Variants in CDH4 observed in about 807,000 individuals in gnomAD.
CDH4 encodes the protein cadherin-4.
Under a neutral mutation model 86.0 loss-of-function variants are expected in CDH4, and 33 were observed. That is an observed-to-expected ratio of 0.38 (90% CI 0.29 to 0.51). The LOEUF (loss-of-function observed/expected upper bound fraction) is 0.51. Ranked by LOEUF, CDH4 falls within the 20% of genes least tolerant of loss-of-function variation. The pLI is 0.86. For missense variants in CDH4, 1,114 were observed against 1,307.4 expected, an observed-to-expected ratio of 0.85 and a Z score of 2.28; for synonymous variants, 555 against 549.4, an observed-to-expected ratio of 1.01 and a Z score of -0.14.
Position 61,662,943 on chromosome 20 carries a change from T to A in CDH4, c.170-80620T>A, listed in dbSNP as rs556515292. Among the ~76,000 whole-genome samples, 4 of 152,096 alleles carry A rather than the reference T, an allele frequency of 2.6e-5. No homozygotes were observed. The East Asian group carries it at 7.8e-4, about 30-fold the overall frequency. On this transcript the variant is annotated intron_variant, in intron 2 of 15. Transcript: ENST00000614565. ...TTAGCGGTCCCTGACTCAGCACCCA[T>A]CTCTGTCCACTGAGACTCTGCCTGT...
intron 2 of CDH4, among the ~76,000 whole-genome samples, chr20:61,422,847 G>C (rs1396667789): frequency 6.6e-6 from 1 of 152,188 alleles, no homozygotes; most frequent in Non-Finnish European, 1.5e-5. Flanking sequence ...CCTGGGCTCA[G>C]CAGCCTCAGT....
intron 2 of CDH4, among the ~76,000 whole-genome samples, chr20:61,476,527 T>A (rs1027575571): frequency 6.6e-6 from 1 of 152,202 alleles, no homozygotes; most frequent in Non-Finnish European, 1.5e-5. Flanking sequence ...TACCTCCACA[T>A]TACAGCCCTG....
intron 2 of CDH4, among the ~76,000 whole-genome samples, chr20:61,551,966 A>G (rs2145674467): frequency 6.6e-6 from 1 of 152,324 alleles, no homozygotes. Flanking sequence ...CTCACACCAT[A>G]TACAAAAGTT....
Position 61,494,308 on chromosome 20 carries a change from C to T in CDH4, c.169+239371C>T, listed in dbSNP as rs113103962. 4.3e-3 allele frequency among the ~76,000 whole-genome samples: 648 copies of T among 152,258 alleles called. 3 individuals carry two copies. The highest frequency in any genetic ancestry group is 0.027 in the Middle Eastern group (8 of 294). On this transcript the variant is annotated intron_variant, in intron 2 of 15. Coordinates refer to ENST00000614565, the MANE Select transcript of CDH4 (RefSeq NM_001794.5). ...CTCTGCTCGTGCATACTGTGCAAAT[C>T]GCTGAAATCTATCAACTTGAATAGA...
chr20:61,781,629 G>A (rs11906011), intron 4 of CDH4, among the ~76,000 whole-genome samples: 3 of 152,268 alleles, frequency 2.0e-5, no homozygotes, highest in South Asian at 2.1e-4. Flanking sequence ...TCAGTGGGGC[G>A]GTGGCCAGTG....
intron 3 of CDH4, among the ~76,000 whole-genome samples, chr20:61,750,898 T>C (rs1333805716): frequency 2.6e-5 from 4 of 152,152 alleles, no homozygotes; most frequent in African/African-American, 9.7e-5. Context: ...AACGATCATA[T>C]AACTGGGAAT....
At chr20:61,463,464 T>C (rs1260868643) in intron 2 of CDH4, among the ~76,000 whole-genome samples, 1 of 152,230 alleles carries the variant, frequency 6.6e-6, no homozygotes, top group Non-Finnish European at 1.5e-5. Context: ...CCTAGGACTC[T>C]AACCCAGCCT....
intron 2 of CDH4, among the ~76,000 whole-genome samples, chr20:61,519,708 T>A (rs2085854152): frequency 6.6e-6 from 1 of 152,242 alleles, no homozygotes; most frequent in African/African-American, 2.4e-5. Context: ...CTTTCGTTGT[T>A]CCTTAATCGA....
At position 61,767,471 on chromosome 20, in the gene CDH4, C is replaced by T. The variant is rs189736457; in HGVS notation, c.397-5532C>T. On this transcript the variant is annotated intron_variant, in intron 3 of 15. Transcript: ENST00000614565. ...GTGGAGTGTGGCCTGCCAGGTGAGG[C>T]GCTGTAGATTGAGCCTGGCATGAGG... Among the ~76,000 whole-genome samples the T allele has an allele frequency of 2.6e-5, 4 of 152,276 alleles. No homozygotes were observed. In the East Asian group the frequency reaches 7.7e-4, roughly 29 times the overall value.
chr20:61,540,873 C>T lies in CDH4; in HGVS notation c.170-202690C>T, dbSNP rs555796272. On this transcript the variant is annotated intron_variant, in intron 2 of 15. Transcript: ENST00000614565. ...AGTGATTAGGCGACCCTGAGACCCT[C>T]CAATAAGGCAGGAAGCAAACAAAAG... Among the ~76,000 whole-genome samples the T allele has an allele frequency of 2.6e-5, 4 of 152,174 alleles. No homozygotes were observed. In the South Asian group the frequency reaches 8.4e-4, roughly 32 times the overall value.
chr20:61,863,629 G>T (rs1302033074), intron 6 of CDH4, among the ~76,000 whole-genome samples: 5 of 152,148 alleles, frequency 3.3e-5, no homozygotes, highest in African/African-American at 1.2e-4. Context: ...CTGGAGAAGC[G>T]AGAGGGCCAG....
intron 3 of CDH4, among the ~76,000 whole-genome samples, chr20:61,769,139 C>T (rs543954832): frequency 1.7e-4 from 26 of 152,190 alleles, no homozygotes; most frequent in South Asian, 1.2e-3. Flanking sequence ...TGCCTGCCCT[C>T]GTGCAGGCAC....
chr20:61,473,244 G>C (rs890164293), intron 2 of CDH4, among the ~76,000 whole-genome samples: 11 of 152,156 alleles, frequency 7.2e-5, no homozygotes, highest in African/African-American at 2.4e-4. Context: ...GAGAAATTAT[G>C]AGTATTCCTC....
intron 2 of CDH4, among the ~76,000 whole-genome samples, chr20:61,375,781 CT>C (rs1775204392): frequency 9.6e-5 from 1 of 10,446 alleles, no homozygotes; most frequent in Non-Finnish European, 1.9e-4. Context: ...GGTCATAGCA[CT>C]GGTGGTGATG....
intron 2 of CDH4, among the ~76,000 whole-genome samples, chr20:61,446,969 C>G (rs2085353849): frequency 6.6e-6 from 1 of 152,136 alleles, no homozygotes; most frequent in African/African-American, 2.4e-5. Context: ...GTAAATTAGT[C>G]ATCTCTTTGG....
chr20:61,653,765 G>A lies in CDH4; in HGVS notation c.170-89798G>A, dbSNP rs1171094063. ...CCAGACGGGGCGGCGGGGCAGAGGC[G>A]CTCCCCACATCCCAGACGATGGGCG... is the stretch of plus-strand genomic sequence containing the variant. On this transcript the variant is annotated intron_variant, in intron 2 of 15. Transcript: ENST00000614565. Among the ~76,000 whole-genome samples the A allele has an allele frequency of 6.2e-5, 7 of 112,964 alleles. 2 individuals are homozygous for A. Among genetic ancestry groups the A allele is most frequent in the Middle Eastern group, 4.7e-3 (1 of 212 alleles). The allele number at this position is 112,964 out of a possible 152,430, so 74.1% of individuals were successfully genotyped here.
Position 61,924,348 on chromosome 20 carries a change from C to T in CDH4, c.1643C>T (p.Ser548Leu). 6.2e-7 allele frequency: 1 copy of T among 1,608,814 alleles called. No individual in the cohort carries two copies. Among genetic ancestry groups the T allele is most frequent in the Non-Finnish European group, 8.5e-7 (1 of 1,178,046 alleles). The change falls in exon 11 of 16, where the codon TCA becomes TTA. Residue 548 changes from serine to leucine, a missense_variant. Ser to Leu is a moderately radical substitution (Grantham distance 145, BLOSUM62 -2). This residue lies in a region of CDH4 where 705 missense variants were observed against 914.1 expected (regional missense o/e 0.77). Transcript: ENST00000614565. The stretch of plus-strand genomic sequence containing the variant: ...GGTCTCCGCAGATACTCAAAGCTGT[C>T]AGACCCAGCGAGCTGGCTGCACATC... The part of the protein sequence containing the change: ...MQQAVRYSKL[S>L]DPASWLHINA...
intron 8 of CDH4, among the ~76,000 whole-genome samples, chr20:61,899,928 G>A (rs1271133685): frequency 6.6e-6 from 1 of 152,224 alleles, no homozygotes; most frequent in African/African-American, 2.4e-5. Flanking sequence ...GGTGTCAGCT[G>A]AACTTAGGAG....
chr20:61,486,063 G>A (rs1051573772), intron 2 of CDH4, among the ~76,000 whole-genome samples: 16 of 152,224 alleles, frequency 1.1e-4, no homozygotes, highest in Non-Finnish European at 1.5e-4. Context: ...GCATTGGCCC[G>A]CATAGGTGAG....
Sources: gnomAD v4.1 joint callset for allele counts (sites outside exome capture counted in the v4.1 genomes callset) on GRCh38, gnomAD v4.1.1 for gene constraint, gnomAD v4.1.1 regional missense constraint, MANE v1.5 for transcripts, NCBI Gene and HGNC (gene_info 2026-07-23, HGNC 2026-07-21) for gene names.